Variants in SORCS1 observed in about 807,000 individuals in gnomAD.
SORCS1 encodes sortilin related VPS10 domain containing receptor 1, also known as VPS10 domain-containing receptor SorCS1.
In SORCS1, 60 loss-of-function variants were observed where a neutral mutation model predicts 146.1. That is an observed-to-expected ratio of 0.41 (90% confidence interval 0.33 to 0.51). The LOEUF (loss-of-function observed/expected upper bound fraction) is 0.51. Among genes scored for constraint, SORCS1 ranks in the 20% least tolerant of loss-of-function variants. The probability of loss-of-function intolerance (pLI) is 0.21; values close to 1 mark genes in which losing one functional copy is unlikely to be tolerated. For synonymous variants in SORCS1, 637 were observed against 584.0 expected (o/e 1.09, Z -1.31); for missense variants, 1,352 against 1,487.6 (o/e 0.91, Z 1.50).
intron 1 of SORCS1, among the ~76,000 whole-genome samples, chr10:107,025,850 TGA>T (rs1162836648): frequency 7.2e-5 from 11 of 152,104 alleles, no homozygotes; most frequent in South Asian, 4.2e-4. Context: ...TCAGCAAGCG[TGA>T]GAGCCCACAA....
intron 2 of SORCS1, among the ~76,000 whole-genome samples, chr10:106,893,562 C>T (rs1308583270): frequency 6.6e-6 from 1 of 152,108 alleles, no homozygotes; most frequent in African/African-American, 2.4e-5. Flanking sequence ...TATAATTTTA[C>T]ACACCGAAAA....
Position 106,601,981 on chromosome 10 carries a change from G to T in SORCS1, c.3166-4531C>A, listed in dbSNP as rs539192406. Among the ~76,000 whole-genome samples, 61 of 152,286 alleles carry T rather than the reference G, an allele frequency of 4.0e-4. 1 individual carries two copies. Among genetic ancestry groups the T allele is most frequent in the Non-Finnish European group, 4.0e-4 (27 of 68,022 alleles). Reference sequence around the variant, plus strand: ...CACACAGTGATGGTTACCACACAAAGAACACATTCAACATCCAAACAATTT... The same window carrying T: ...CACACAGTGATGGTTACCACACAAATAACACATTCAACATCCAAACAATTT... On this transcript the variant is annotated intron_variant, in intron 23 of 25. Transcript: ENST00000263054.
chr10:106,700,928 G>C (rs183083054), intron 8 of SORCS1, among the ~76,000 whole-genome samples: 2 of 152,282 alleles, frequency 1.3e-5, no homozygotes, highest in East Asian at 3.9e-4. Flanking sequence ...TCTATCTGTT[G>C]AATGTCTATT....
At chr10:106,778,989 G>A (rs903796613) in intron 3 of SORCS1, among the ~76,000 whole-genome samples, 6 of 152,052 alleles carry the variant, frequency 3.9e-5, no homozygotes, top group South Asian at 2.1e-4. Flanking sequence ...TATGCTCCAC[G>A]TGATCAGACT....
chr10:106,598,171 T>C (rs1846018311), intron 23 of SORCS1, among the ~76,000 whole-genome samples: 1 of 151,610 alleles, frequency 6.6e-6, no homozygotes, highest in Admixed American at 6.6e-5. Flanking sequence ...CCTAGCTCCA[T>C]TTGCTGTGTC....
chr10:107,000,939 G>C (rs956754382), intron 1 of SORCS1, among the ~76,000 whole-genome samples: 1 of 152,060 alleles, frequency 6.6e-6, no homozygotes, highest in Non-Finnish European at 1.5e-5. Flanking sequence ...AGCAAAAATA[G>C]TGGGAGATTT....
intron 2 of SORCS1, among the ~76,000 whole-genome samples, chr10:106,904,746 G>A (rs564552538): frequency 1.4e-4 from 21 of 152,252 alleles, no homozygotes; most frequent in South Asian, 1.2e-3. Context: ...TGATAGACCC[G>A]TTTTGGCCCA....
intron 3 of SORCS1, among the ~76,000 whole-genome samples, chr10:106,815,041 C>A (rs545924683): frequency 2.6e-5 from 4 of 151,972 alleles, no homozygotes; most frequent in East Asian, 2.0e-4. Context: ...CTCCCTGCAA[C>A]CTCCACCTCC....
intron 23 of SORCS1, among the ~76,000 whole-genome samples, chr10:106,602,162 T>G (rs924169436): frequency 6.6e-6 from 1 of 152,212 alleles, no homozygotes. Context: ...AAAATGCAGA[T>G]GCAAATGGGC....
At chr10:106,647,221 T>C (rs1849516262) in intron 18 of SORCS1, among the ~76,000 whole-genome samples, 1 of 151,968 alleles carries the variant, frequency 6.6e-6, no homozygotes, top group Non-Finnish European at 1.5e-5. Flanking sequence ...GATGTCTTTT[T>C]ATAATACTGA....
chr10:106,856,298 A>G (rs1355930922), intron 2 of SORCS1, among the ~76,000 whole-genome samples: 2 of 152,188 alleles, frequency 1.3e-5, no homozygotes, highest in African/African-American at 4.8e-5. Flanking sequence ...AAATGCTGGG[A>G]TTACTACAGG....
chr10:106,837,335 A>T (rs1948828355), intron 2 of SORCS1, among the ~76,000 whole-genome samples: 1 of 152,046 alleles, frequency 6.6e-6, no homozygotes, highest in Admixed American at 6.6e-5. Flanking sequence ...TCCCTTCAAA[A>T]GAAAAGCATA....
chr10:106,597,054 G>A (rs192788516), intron 24 of SORCS1, among the ~76,000 whole-genome samples: 4 of 152,216 alleles, frequency 2.6e-5, no homozygotes, highest in Non-Finnish European at 2.9e-5. Flanking sequence ...GTTTCACCAC[G>A]TTGGTCAGAC....
chr10:107,113,241 A>G (rs965278921), intron 1 of SORCS1, among the ~76,000 whole-genome samples: 1 of 152,326 alleles, frequency 6.6e-6, no homozygotes, highest in African/African-American at 2.4e-5. Context: ...ATTAAACAAC[A>G]TACTGTTGAA....
intron 24 of SORCS1, among the ~76,000 whole-genome samples, chr10:106,582,389 G>T (rs1844975149): frequency 6.6e-6 from 1 of 152,152 alleles, no homozygotes; most frequent in Non-Finnish European, 1.5e-5. Flanking sequence ...CTCAGAGGCA[G>T]GAAGCAGGAA....
chr10:106,979,780 C>T (rs1589840617), intron 1 of SORCS1, among the ~76,000 whole-genome samples: 1 of 152,280 alleles, frequency 6.6e-6, no homozygotes, highest in Middle Eastern at 3.4e-3. Flanking sequence ...AATGAATACG[C>T]TATGGAGTCA....
At chr10:107,103,794 T>C (rs1188921028) in intron 1 of SORCS1, among the ~76,000 whole-genome samples, 1 of 152,176 alleles carries the variant, frequency 6.6e-6, no homozygotes, top group Non-Finnish European at 1.5e-5. Context: ...CAGTAGCCAT[T>C]ATAAAACCCC....
chr10:106,766,992 A>G (rs866340900), intron 4 of SORCS1, among the ~76,000 whole-genome samples: 110 of 152,342 alleles, frequency 7.2e-4, no homozygotes, highest in African/African-American at 2.4e-3. Flanking sequence ...TTCTTTGGTC[A>G]ATAGCAAGAG....
chr10:106,739,183 G>A (rs1589774743), intron 5 of SORCS1, among the ~76,000 whole-genome samples: 1 of 152,106 alleles, frequency 6.6e-6, no homozygotes, highest in Admixed American at 6.6e-5. Context: ...CTCTTCCCCT[G>A]GGGAAAACTG....
Sources: gnomAD v4.1 joint callset for allele counts (sites outside exome capture counted in the v4.1 genomes callset) on GRCh38, gnomAD v4.1.1 for gene constraint, MANE v1.5 for transcripts, NCBI Gene and HGNC (gene_info 2026-07-23, HGNC 2026-07-21) for gene names.